MAGI1: variants seen among roughly 807,000 people sequenced by gnomAD.
MAGI1 encodes the protein membrane associated guanylate kinase, WW and PDZ domain containing 1, also known as membrane-associated guanylate kinase, WW and PDZ domain-containing protein 1.
MAGI1 carries 58 observed loss-of-function variants against 139.9 expected under a neutral mutation model. The observed-to-expected ratio is 0.41, with a 90% CI of 0.34 to 0.52. The LOEUF is 0.52. Among genes scored for constraint, MAGI1 ranks in the 20% least tolerant of loss-of-function variants. The pLI is 0.12. For missense variants in MAGI1, 1,874 were observed against 1,901.6 expected (o/e 0.99, Z 0.27); for synonymous variants, 812 against 737.9 (o/e 1.10, Z -1.63).
intron 1 of MAGI1, among the ~76,000 whole-genome samples, chr3:65,682,060 T>C (rs1416835820): frequency 6.6e-6 from 1 of 152,140 alleles, no homozygotes; most frequent in African/African-American, 2.4e-5. Context: ...TTTTAACTTC[T>C]AGGGTTAGCT....
intron 1 of MAGI1, among the ~76,000 whole-genome samples, chr3:65,809,637 G>A (rs986150687): frequency 2.0e-5 from 3 of 152,132 alleles, no homozygotes; most frequent in South Asian, 2.1e-4. Context: ...AAGATGGGAC[G>A]CTCTCATTTA....
rs772796945 is a variant in MAGI1 at position 65,748,814 on chromosome 3, T to C, written c.314-126726A>G. On this transcript the variant is annotated intron_variant, in intron 1 of 22. Transcript: ENST00000402939. ...GTCAAAATCAAGGCCTGGTGGGGGATTGATGTTTGGCCAGGTTAGTAAACA... is the reference window on the plus strand; with the variant it reads ...GTCAAAATCAAGGCCTGGTGGGGGACTGATGTTTGGCCAGGTTAGTAAACA... Among the ~76,000 whole-genome samples, 4 of 151,996 alleles carry C rather than the reference T, an allele frequency of 2.6e-5. No individual in the cohort carries two copies. The South Asian group carries it at 6.2e-4, about 24-fold the overall frequency.
chr3:65,380,553 A>C (rs1270099342), intron 16 of MAGI1, among the ~76,000 whole-genome samples: 1 of 152,110 alleles, frequency 6.6e-6, no homozygotes, highest in Non-Finnish European at 1.5e-5. Flanking sequence ...TCTGCTTTCT[A>C]TCTCTATAAA....
chr3:65,485,425 G>GACCT (rs1951564265), intron 3 of MAGI1, among the ~76,000 whole-genome samples: 1 of 152,214 alleles, frequency 6.6e-6, no homozygotes, highest in East Asian at 1.9e-4. Context: ...TGAGGTAAGG[G>GACCT]ACCTCTCTCT....
At chr3:65,516,493 A>C (rs545924109) in intron 2 of MAGI1, among the ~76,000 whole-genome samples, 2 of 152,076 alleles carry the variant, frequency 1.3e-5, no homozygotes, top group African/African-American at 4.8e-5. Flanking sequence ...GTCTCTTTTT[A>C]AAAGTATAAT....
intron 1 of MAGI1, among the ~76,000 whole-genome samples, chr3:65,637,556 AAAAG>A (rs60686455): frequency 0.29 from 36,418 of 127,650 alleles, 5,462 homozygotes; most frequent in Non-Finnish European, 0.33. Flanking sequence ...TGTCTCCAAA[AAAAG>A]AAAGAAAGAA....
chr3:65,389,064 C>G (rs963326360), intron 14 of MAGI1, among the ~76,000 whole-genome samples: 5 of 151,822 alleles, frequency 3.3e-5, no homozygotes, highest in Non-Finnish European at 5.9e-5. Context: ...AGGCTGGTCT[C>G]CAACTCCTGA....
At chr3:65,690,383 T>C (rs1179786658) in intron 1 of MAGI1, among the ~76,000 whole-genome samples, 1 of 152,224 alleles carries the variant, frequency 6.6e-6, no homozygotes, top group African/African-American at 2.4e-5. Flanking sequence ...TCTGACACTT[T>C]TAAAGAAAGT....
At chr3:65,473,688 G>A (rs1242124895) in intron 4 of MAGI1, among the ~76,000 whole-genome samples, 4 of 145,296 alleles carry the variant, frequency 2.8e-5, no homozygotes, top group Non-Finnish European at 6.0e-5. Flanking sequence ...CAGACAATGC[G>A]TGAAGATGGA....
chr3:65,781,895 A>G (rs264104), intron 1 of MAGI1, among the ~76,000 whole-genome samples: 2 of 45,446 alleles, frequency 4.4e-5, no homozygotes, highest in South Asian at 8.7e-4. Context: ...TGACTGGGGA[A>G]CCCCCCCTCA....
chr3:65,540,836 A>G (rs1347634660), intron 2 of MAGI1, among the ~76,000 whole-genome samples: 1 of 152,168 alleles, frequency 6.6e-6, no homozygotes, highest in Non-Finnish European at 1.5e-5. Flanking sequence ...TGTTGGTAAA[A>G]TATAATAACC....
chr3:65,375,439 G>A (rs1942422591), intron 18 of MAGI1, among the ~76,000 whole-genome samples: 1 of 151,642 alleles, frequency 6.6e-6, no homozygotes, highest in Non-Finnish European at 1.5e-5. Flanking sequence ...CACCCGCCTC[G>A]GCCTCCCAAA....
At chr3:65,463,937 A>C (rs915879730) in intron 5 of MAGI1, among the ~76,000 whole-genome samples, 6 of 152,220 alleles carry the variant, frequency 3.9e-5, no homozygotes, top group East Asian at 3.9e-4. Flanking sequence ...CTATTCTCTG[A>C]TGGTAGTTTG....
At chr3:65,608,056 A>G (rs2082842493) in intron 2 of MAGI1, among the ~76,000 whole-genome samples, 1 of 152,258 alleles carries the variant, frequency 6.6e-6, no homozygotes, top group Non-Finnish European at 1.5e-5. Flanking sequence ...AAGGTTAGAC[A>G]ACCAGTGCAA....
intron 1 of MAGI1, among the ~76,000 whole-genome samples, chr3:65,951,011 GGAA>G (rs1560047067): frequency 5.4e-5 from 7 of 130,678 alleles, no homozygotes; most frequent in East Asian, 2.2e-4. Context: ...AAGGAAGGAA[GGAA>G]GGAAGGAAGG....
At chr3:65,859,611 C>T (rs1339104712) in intron 1 of MAGI1, among the ~76,000 whole-genome samples, 1 of 151,620 alleles carries the variant, frequency 6.6e-6, no homozygotes, top group South Asian at 2.1e-4. Context: ...GGTGGCACTA[C>T]TCAGGAGGCT....
At chr3:65,386,328 G>C (rs992763438) in intron 14 of MAGI1, among the ~76,000 whole-genome samples, 1 of 151,692 alleles carries the variant, frequency 6.6e-6, no homozygotes, top group African/African-American at 2.4e-5. Flanking sequence ...CTGTTGAAAA[G>C]GAAGATGCCC....
At position 65,887,999 on chromosome 3, in the gene MAGI1, A is replaced by T. The variant is rs866610589; in HGVS notation, c.313+149997T>A. On this transcript the variant is annotated intron_variant, in intron 1 of 22. Transcript: ENST00000402939. ...TATCATTCAAGTTGATATTAGTTCA[A>T]TATGGTATATTCTGTGTTTCATAAA... 3.3e-5 allele frequency among the ~76,000 whole-genome samples: 5 copies of T among 152,318 alleles called. No homozygotes were observed. The Middle Eastern group carries it at 0.01, about 311-fold the overall frequency.
At chr3:65,755,481 T>A (rs1421008391) in intron 1 of MAGI1, among the ~76,000 whole-genome samples, 1 of 151,964 alleles carries the variant, frequency 6.6e-6, no homozygotes, top group Non-Finnish European at 1.5e-5. Flanking sequence ...CTATTTTGTA[T>A]AGAGTACTTC....
Sources: gnomAD v4.1 joint callset for allele counts (sites outside exome capture counted in the v4.1 genomes callset) on GRCh38, gnomAD v4.1.1 for gene constraint, MANE v1.5 for transcripts, NCBI Gene and HGNC (gene_info 2026-07-23, HGNC 2026-07-21) for gene names.